The following DLC1 variants were observed in gnomAD, a reference collection of about 807,000 sequenced individuals.
The protein encoded by DLC1 is DLC1 Rho GTPase activating protein, also known as rho GTPase-activating protein 7.
In DLC1, 54 loss-of-function variants were observed where a neutral mutation model predicts 140.3. The observed-to-expected ratio is 0.38, with a 90% CI of 0.31 to 0.48. DLC1 has a LOEUF of 0.48. DLC1 is among the 20% of genes least tolerant of loss of function. The pLI, the probability that DLC1 is intolerant of heterozygous loss-of-function variation, is 0.96. For synonymous variants in DLC1, 986 were observed against 728.1 expected, an observed-to-expected ratio of 1.35 and a Z score of -5.70; for missense variants, 2,536 against 1,907.0, an observed-to-expected ratio of 1.33 and a Z score of -6.14.
At chr8:13,216,056 G>A (rs971410302) in intron 5 of DLC1, among the ~76,000 whole-genome samples, 2 of 152,126 alleles carry the variant, frequency 1.3e-5, no homozygotes, top group Non-Finnish European at 2.9e-5. Flanking sequence ...TTGCATCAAA[G>A]TGAACCTTCC....
chr8:13,098,462 G>A lies in DLC1; in HGVS notation c.3104C>T (p.Ser1035Leu). ...CAGCAGGGCCGTTAGCTTTAGGAGT[G>A]AGTATTTCTGCAGCAGGTTCATCTG... ...VAQMNLLQKYSLLKLTALLEK... is the reference protein window; with the variant it reads ...VAQMNLLQKYLLLKLTALLEK... The change falls in exon 10 of 18, where the codon TCA becomes TTA. Residue 1035 changes from serine (S) to leucine (L), a missense_variant. Transcript: ENST00000276297. The A allele has an allele frequency of 6.2e-7, 1 of 1,614,184 alleles. No homozygotes were observed. Among genetic ancestry groups the A allele is most frequent in the Non-Finnish European group, 8.5e-7 (1 of 1,180,026 alleles).
At chr8:13,509,806 T>A (rs771280624) in intron 1 of DLC1, among the ~76,000 whole-genome samples, 1 of 129,438 alleles carries the variant, frequency 7.7e-6, no homozygotes, top group Non-Finnish European at 1.6e-5. Flanking sequence ...GTGAAATAAC[T>A]TTTTTCCCCC....
chr8:13,227,119 T>A (rs1372345322), intron 5 of DLC1, among the ~76,000 whole-genome samples: 1 of 152,044 alleles, frequency 6.6e-6, no homozygotes, highest in African/African-American at 2.4e-5. Context: ...AGCATCTGAG[T>A]TCAAGCAATC....
At chr8:13,289,585 C>T (rs981936893) in intron 5 of DLC1, among the ~76,000 whole-genome samples, 6 of 152,176 alleles carry the variant, frequency 3.9e-5, no homozygotes, top group African/African-American at 1.4e-4. Context: ...CCTGCCTTGG[C>T]CTTCCAAATT....
chr8:13,450,070 A>G (rs919145678), intron 2 of DLC1, among the ~76,000 whole-genome samples: 17 of 152,184 alleles, frequency 1.1e-4, no homozygotes, highest in African/African-American at 4.1e-4. Context: ...AGTAAAATAA[A>G]TCATTTTACT....
intron 4 of DLC1, among the ~76,000 whole-genome samples, chr8:13,318,186 A>G (rs1586127435): frequency 6.7e-6 from 1 of 149,710 alleles, no homozygotes; most frequent in African/African-American, 2.5e-5. Context: ...CACTACACTC[A>G]GCTAATTAAA....
At chr8:13,182,625 G>A (rs1267100670) in intron 5 of DLC1, among the ~76,000 whole-genome samples, 1 of 152,236 alleles carries the variant, frequency 6.6e-6, no homozygotes, top group African/African-American at 2.4e-5. Context: ...AAGATCAGAT[G>A]GTTGTAGATG....
rs1209107 is a variant in DLC1, at chr8:13,225,236, C to T, written c.1348+80033G>A. 9.6e-4 allele frequency among the ~76,000 whole-genome samples: 146 copies of T among 152,144 alleles called. 1 individual carries two copies. The highest frequency in any genetic ancestry group is 3.4e-3 in the African/African-American group (141 of 41,524). On this transcript the variant is annotated intron_variant, in intron 5 of 17. Transcript: ENST00000276297. ...TGATTCTTGACAGAGAACAAGTTTC[C>T]GTGGGATTGCTGAAGTGGCCCCAAA... is the stretch of plus-strand genomic sequence containing the variant.
At chr8:13,297,028 T>C (rs1831984424) in intron 5 of DLC1, among the ~76,000 whole-genome samples, 1 of 151,650 alleles carries the variant, frequency 6.6e-6, no homozygotes, top group African/African-American at 2.4e-5. Context: ...TGAAGAAATA[T>C]TTGGAAAATT....
intron 2 of DLC1, among the ~76,000 whole-genome samples, chr8:13,493,405 T>A (rs1042991807): frequency 1.3e-5 from 2 of 152,180 alleles, no homozygotes; most frequent in South Asian, 2.1e-4. Flanking sequence ...AATTTATCTT[T>A]TTAATTAAAA....
intron 3 of DLC1, among the ~76,000 whole-genome samples, chr8:13,398,894 A>T (rs980949989): frequency 3.9e-5 from 6 of 152,234 alleles, no homozygotes; most frequent in African/African-American, 1.4e-4. Context: ...TGATGCCGGG[A>T]CATCTCTCAA....
At position 13,491,185 on chromosome 8, in the gene DLC1, T is replaced by G. The variant is rs142270741; in HGVS notation, c.1023+7864A>C. 2.6e-4 allele frequency among the ~76,000 whole-genome samples: 39 copies of G among 151,402 alleles called. No individual in the cohort carries two copies. The East Asian group carries it at 7.0e-3, about 27-fold the overall frequency. On this transcript the variant is annotated intron_variant, in intron 2 of 17. Transcript: ENST00000276297. ...TGGCAGCAAATCTCCCAACTTTATG[T>G]CATTTTCACAATGAAAATTAAAAAA...
At chr8:13,207,010 C>T (rs900990131) in intron 5 of DLC1, among the ~76,000 whole-genome samples, 1 of 151,900 alleles carries the variant, frequency 6.6e-6, no homozygotes, top group African/African-American at 2.4e-5. Context: ...AATGAGTGAG[C>T]AAGTAAGTGC....
At chr8:13,352,611 C>G (rs1221424963) in intron 4 of DLC1, among the ~76,000 whole-genome samples, 1 of 152,122 alleles carries the variant, frequency 6.6e-6, no homozygotes, top group African/African-American at 2.4e-5. Context: ...AAATTCCTAG[C>G]TCAAGTGATC....
chr8:13,549,571 A>T (rs549849716), intron 1 of DLC1, among the ~76,000 whole-genome samples: 1 of 152,250 alleles, frequency 6.6e-6, no homozygotes, highest in East Asian at 1.9e-4. Flanking sequence ...CATGTATGTG[A>T]CACAACGAAT....
rs1487346725 is a variant in DLC1, at chr8:13,579,315, T to TTTTATA, written c.-126+25221_-126+25222insTATAAA. Among the ~76,000 whole-genome samples, 24 of 10,668 alleles carry TTTTATA rather than the reference T, an allele frequency of 2.2e-3. 2 individuals are homozygous for TTTTATA. Among genetic ancestry groups the TTTTATA allele is most frequent in the African/African-American group, 4.8e-3 (14 of 2,904 alleles). 7.0% of individuals were successfully genotyped at this position (10,668 alleles called of 152,430 possible). On this transcript the variant is annotated intron_variant, in intron 1 of 1. Coordinates refer to the DLC1 transcript ENST00000631382. ...AAAGTCAGATACCACAGGTCTGACT[T>TTTTATA]TATATATATATATATATATATATAT...
At chr8:13,167,494 G>C (rs1469554215) in intron 5 of DLC1, among the ~76,000 whole-genome samples, 2 of 152,056 alleles carry the variant, frequency 1.3e-5, no homozygotes, top group Non-Finnish European at 2.9e-5. Flanking sequence ...TTCTCAGTGG[G>C]GAAACCTCGG....
intron 14 of DLC1, among the ~76,000 whole-genome samples, chr8:13,091,053 C>A (rs994085139): frequency 6.6e-6 from 1 of 152,118 alleles, no homozygotes; most frequent in South Asian, 2.1e-4. Context: ...AGTGATCCAC[C>A]CACCTCAGCC....
intron 5 of DLC1, among the ~76,000 whole-genome samples, chr8:13,179,422 T>C (rs985343840): frequency 6.6e-6 from 1 of 152,172 alleles, no homozygotes; most frequent in Admixed American, 6.5e-5. Flanking sequence ...ATATATATTT[T>C]TTAATAAAGA....
Sources: gnomAD v4.1 joint callset for allele counts (sites outside exome capture counted in the v4.1 genomes callset) on GRCh38, gnomAD v4.1.1 for gene constraint, MANE v1.5 for transcripts, NCBI Gene and HGNC (gene_info 2026-07-23, HGNC 2026-07-21) for gene names.